CFAP58: variants seen among roughly 807,000 people sequenced by gnomAD.
CFAP58 encodes cilia- and flagella-associated protein 58.
In CFAP58, 88 loss-of-function variants were observed where a neutral mutation model predicts 119.5. The observed-to-expected ratio is 0.74, with a 90% CI of 0.62 to 0.88. The LOEUF is 0.88. Ranked by LOEUF, CFAP58 falls within the 40% of genes least tolerant of loss-of-function variation. The pLI, the probability that CFAP58 is intolerant of heterozygous loss-of-function variation, is 0.00. For synonymous variants in CFAP58, 365 were observed against 366.3 expected (o/e 1.00, Z 0.04); for missense variants, 990 against 1,021.2 (o/e 0.97, Z 0.42).
chr10:104,370,854 A>T (rs372503323), intron 6 of CFAP58, 41 bp from the exon 7 acceptor site: 2 of 1,569,012 alleles, frequency 1.3e-6, no homozygotes, highest in Non-Finnish European at 1.7e-6. Context: ...CTGGCTCTTC[A>T]TTTACAAAGT....
In CFAP58 at chr10:104,376,847, G is replaced by C; in HGVS notation, c.1127G>C (p.Arg376Thr). Residue 376 changes from arginine (R) to threonine (T), a missense_variant, in exon 8 of 18, where the codon AGA becomes ACA. Arg to Thr is a moderately conservative substitution (Grantham distance 71). Coordinates refer to ENST00000369704, the MANE Select transcript of CFAP58 (RefSeq NM_001008723.2). ...EASKKQAELDRKAMDELLRER... is the reference protein window; with the variant it reads ...EASKKQAELDTKAMDELLRER... ...TCAAAGAAACAAGCAGAACTTGACA[G>C]AAAGGCAATGGACGAGCTTCTAAGA... 1 of 1,613,654 alleles carries C rather than the reference G, an allele frequency of 6.2e-7. No individual in the cohort carries two copies. The highest frequency in any genetic ancestry group is 8.5e-7 in the Non-Finnish European group (1 of 1,179,804).
intron 15 of CFAP58, among the ~76,000 whole-genome samples, chr10:104,432,200 G>GA (rs1027267721): frequency 2.6e-5 from 4 of 151,296 alleles, no homozygotes; most frequent in Non-Finnish European, 5.9e-5. Context: ...AAGGTGGAAA[G>GA]AAAAAAAATA....
chr10:104,434,873 C>A (rs1450538351), intron 15 of CFAP58, among the ~76,000 whole-genome samples: 1 of 152,212 alleles, frequency 6.6e-6, no homozygotes, highest in Non-Finnish European at 1.5e-5. Context: ...TAGGAAGGAG[C>A]ATGGTCTTTT....
intron 2 of CFAP58, among the ~76,000 whole-genome samples, chr10:104,361,403 T>G (rs144152961): frequency 6.6e-6 from 1 of 152,030 alleles, no homozygotes; most frequent in East Asian, 1.9e-4. Flanking sequence ...TTGTGTGGAT[T>G]GTTCTAAAGT....
chr10:104,411,230 A>G (rs1462328021), intron 15 of CFAP58, among the ~76,000 whole-genome samples: 1 of 152,138 alleles, frequency 6.6e-6, no homozygotes, highest in Non-Finnish European at 1.5e-5. Flanking sequence ...CTTGTTCACC[A>G]GTTCTTTCAG....
rs138726534 is a variant in CFAP58 at position 104,393,446 on chromosome 10, C to A, written c.1645C>A (p.Arg549=). The change falls in exon 11 of 18, where the codon CGA becomes AGA. Residue 549 remains arginine (R), a synonymous_variant. Coordinates refer to ENST00000369704, the MANE Select transcript of CFAP58 (RefSeq NM_001008723.2). The part of the protein sequence containing the change: ...ALVKLHLEQQ[R]IEKEKETLKA... ...TGTGAAGCTGCACCTGGAACAGCAG[C>A]GAATAGAAAAGGAAAAGGAAACATT... 1.9e-6 allele frequency: 3 copies of A among 1,613,364 alleles called. No individual in the cohort carries two copies. The highest frequency in any genetic ancestry group is 2.5e-6 in the Non-Finnish European group (3 of 1,179,646).
rs753867814 is a variant in CFAP58 at position 104,392,217 on chromosome 10, T to A, written c.1366-16T>A. On this transcript the variant is annotated splice_polypyrimidine_tract_variant and intron_variant, in intron 9 of 17. Coordinates refer to ENST00000369704, the MANE Select transcript of CFAP58 (RefSeq NM_001008723.2). Reference sequence around the variant, plus strand: ...TGGGCTATTTAACCACATTCATATATGTCTTTCTCCTCCAGGTCCTTATGA... The same window carrying A: ...TGGGCTATTTAACCACATTCATATAAGTCTTTCTCCTCCAGGTCCTTATGA... 17 of 1,607,064 alleles carry A rather than the reference T, an allele frequency of 1.1e-5. No homozygotes were observed. The highest frequency in any genetic ancestry group is 1.4e-5 in the Non-Finnish European group (17 of 1,177,656).
At chr10:104,338,960 C>CA in the CFAP58 span, among the ~76,000 whole-genome samples, 1 of 149,158 alleles carries the variant, frequency 6.7e-6, no homozygotes, top group Non-Finnish European at 1.5e-5. Context: ...GGCTGGAGTG[C>CA]AATGGTGGCG....
At chr10:104,377,977 G>C (rs558828815) in intron 8 of CFAP58, among the ~76,000 whole-genome samples, 2 of 152,196 alleles carry the variant, frequency 1.3e-5, no homozygotes, top group South Asian at 4.1e-4. Flanking sequence ...CATTTAATCT[G>C]TTTATATTTT....
At chr10:104,338,908 T>A in the CFAP58 span, among the ~76,000 whole-genome samples, 1 of 99,446 alleles carries the variant, frequency 1.0e-5, no homozygotes, top group Non-Finnish European at 1.8e-5. Context: ...CTTACTACCG[T>A]TTTTTTTTTT....
chr10:104,361,916 A>T (rs1237727756), intron 2 of CFAP58, 107 bp from the exon 3 acceptor site: 1 of 1,055,668 alleles, frequency 9.5e-7, no homozygotes. Context: ...TAGTCAATGC[A>T]CATTTATATA....
intron 17 of CFAP58, among the ~76,000 whole-genome samples, chr10:104,453,028 G>A (rs991297758): frequency 1.3e-5 from 2 of 152,128 alleles, no homozygotes; most frequent in African/African-American, 2.4e-5. Context: ...TCATTATAAT[G>A]GTCTATAAAT....
chr10:104,341,016 T>C, the CFAP58 span, among the ~76,000 whole-genome samples: 1 of 152,180 alleles, frequency 6.6e-6, no homozygotes, highest in African/African-American at 2.4e-5. Context: ...CTGCCTATAC[T>C]ATGCATAGGT....
chr10:104,425,426 C>T (rs572225094), intron 15 of CFAP58, among the ~76,000 whole-genome samples: 3 of 152,102 alleles, frequency 2.0e-5, no homozygotes, highest in African/African-American at 7.2e-5. Context: ...GTCTTAGAGA[C>T]CAAGCATAGG....
At chr10:104,396,591 A>G (rs565952010) in intron 11 of CFAP58, among the ~76,000 whole-genome samples, 2 of 152,360 alleles carry the variant, frequency 1.3e-5, no homozygotes, top group South Asian at 2.1e-4. Flanking sequence ...GAGAAATTCT[A>G]CAAGTATGAC....
intron 16 of CFAP58, among the ~76,000 whole-genome samples, chr10:104,448,567 G>A (rs867579755): frequency 3.9e-5 from 6 of 152,132 alleles, no homozygotes; most frequent in African/African-American, 1.4e-4. Flanking sequence ...TTGAATTCTG[G>A]CACTTCCTGC....
At chr10:104,449,500 G>T (rs925737997) in intron 16 of CFAP58, among the ~76,000 whole-genome samples, 11 of 152,110 alleles carry the variant, frequency 7.2e-5, no homozygotes, top group African/African-American at 2.7e-4. Context: ...ACACAGCAAT[G>T]GAAGGAAGCA....
At chr10:104,408,753 G>A (rs2012407325) in intron 15 of CFAP58, among the ~76,000 whole-genome samples, 1 of 152,050 alleles carries the variant, frequency 6.6e-6, no homozygotes, top group South Asian at 2.1e-4. Flanking sequence ...GCTCATCAAT[G>A]TTCAGTCTTC....
intron 15 of CFAP58, among the ~76,000 whole-genome samples, chr10:104,441,332 A>G (rs982797287): frequency 7.9e-5 from 12 of 152,228 alleles, no homozygotes; most frequent in Non-Finnish European, 1.6e-4. Flanking sequence ...TGAACCTAGA[A>G]CAGTCACACA....
Sources: allele counts gnomAD v4.1 joint callset (sites outside exome capture counted in the v4.1 genomes callset), GRCh38; gene constraint gnomAD v4.1.1; transcripts MANE v1.5; gene names NCBI Gene and HGNC (gene_info 2026-07-23, HGNC 2026-07-21).